Variants in EXPH5 observed in about 807,000 individuals in gnomAD.
EXPH5 encodes the protein exophilin 5, also known as exophilin-5.
A neutral mutation model predicts 41.1 loss-of-function variants in EXPH5; 42 were observed. The observed-to-expected ratio is 1.02, with a 90% CI of 0.80 to 1.32. The LOEUF (loss-of-function observed/expected upper bound fraction) is 1.32, where lower values mean the gene tolerates loss of function less well. Among genes scored for constraint, EXPH5 ranks in the 40% most tolerant of loss-of-function variants. EXPH5 has a pLI of 0.00. For synonymous variants in EXPH5, 798 were observed against 833.5 expected (o/e 0.96, Z 0.73); for missense variants, 2,298 against 2,314.5 (o/e 0.99, Z 0.15).
At chr11:108,571,451 C>T (rs1296383632) in intron 1 of EXPH5, among the ~76,000 whole-genome samples, 1 of 152,172 alleles carries the variant, frequency 6.6e-6, no homozygotes, top group Admixed American at 6.5e-5. Context: ...TTGATGCACT[C>T]CCCATGGAGA....
chr11:108,542,484 T>C (rs1440519667), intron 1 of EXPH5, among the ~76,000 whole-genome samples: 2 of 152,184 alleles, frequency 1.3e-5, no homozygotes, highest in Non-Finnish European at 2.9e-5. Flanking sequence ...AAATGATAGA[T>C]GTTCTAATGA....
rs777355388 is a variant in EXPH5 at position 108,509,869 on chromosome 11, T to C, written c.5638A>G (p.Ile1880Val). ...TKTGPRSAIS[I>V]YRPIDYGIFG... The stretch of plus-strand genomic sequence containing the variant: ...ATCCCATAGTCGATAGGTCTGTATA[T>C]AGATATTGCAGACCTGGGACCTGTT... Residue 1880 changes from isoleucine to valine, a missense_variant, in exon 6 of 6, where the codon ATA (isoleucine) becomes GTA (valine). Ile to Val is a conservative substitution (Grantham distance 29). Transcript: ENST00000265843. The C allele has an allele frequency of 1.2e-6, 2 of 1,610,786 alleles. No homozygotes were observed. The highest frequency in any genetic ancestry group is 1.3e-5 in the African/African-American group (1 of 74,766).
chr11:108,511,577 T>G lies in EXPH5; in HGVS notation c.3930A>C (p.Ser1310=). 6.2e-7 allele frequency: 1 copy of G among 1,613,520 alleles called. No homozygotes were observed. Among genetic ancestry groups the G allele is most frequent in the Non-Finnish European group, 8.5e-7 (1 of 1,179,858 alleles). ...YSTREQSGTP[S]CENLKMSVNS... Reference sequence around the variant, plus strand: ...TGACGGACATCTTTAGATTTTCACATGAAGGTGTTCCTGACTGCTCTCGTG... The same window carrying G: ...TGACGGACATCTTTAGATTTTCACAGGAAGGTGTTCCTGACTGCTCTCGTG... Residue 1310 remains serine (S), a synonymous_variant, in exon 6 of 6, where the codon TCA becomes TCC. Transcript: ENST00000265843.
rs1323242253 is a variant in EXPH5 at position 108,541,640 on chromosome 11, TC to T, written c.280+11del. ...AAAGAAATCAACTTTAAATCTAAAA[TC>T]TTTTTCTTACCATTTTTTGCCATCT... On this transcript the variant is annotated intron_variant, in intron 2 of 5. Coordinates refer to ENST00000265843, the MANE Select transcript of EXPH5 (RefSeq NM_015065.3). 1.9e-6 allele frequency: 3 copies of T among 1,579,812 alleles called. No individual in the cohort carries two copies. In the African/African-American group the frequency reaches 4.1e-5, roughly 21 times the overall value.
chr11:108,525,006 G>A (rs141223554), intron 4 of EXPH5, among the ~76,000 whole-genome samples: 49 of 152,214 alleles, frequency 3.2e-4, no homozygotes, highest in African/African-American at 1.1e-3. Context: ...TCACGGGGGC[G>A]GTTTCCCCCA....
At chr11:108,572,582 G>A (rs1290682237) in intron 1 of EXPH5, among the ~76,000 whole-genome samples, 1 of 152,226 alleles carries the variant, frequency 6.6e-6, no homozygotes, top group Non-Finnish European at 1.5e-5. Flanking sequence ...TTTTGAGACA[G>A]AGTTTTCCTC....
At chr11:108,550,992 C>T (rs945165940) in intron 1 of EXPH5, among the ~76,000 whole-genome samples, 1 of 152,042 alleles carries the variant, frequency 6.6e-6, no homozygotes, top group African/African-American at 2.4e-5. Flanking sequence ...TATAATCTGG[C>T]CAAACACCCT....
Position 108,512,486 on chromosome 11 carries a change from T to C in EXPH5, c.3021A>G (p.Gln1007=), listed in dbSNP as rs1309229024. The change falls in exon 6 of 6, where the codon CAA becomes CAG. Residue 1007 remains glutamine, a synonymous_variant. Transcript: ENST00000265843. Reference sequence around the variant, plus strand: ...CAAGTTCAGAAACTTTGGAATTGCTTTGATTTGCTTCAATGAGGCTCCTGT... The same window carrying C: ...CAAGTTCAGAAACTTTGGAATTGCTCTGATTTGCTTCAATGAGGCTCCTGT... ...SDHRSLIEAN[Q]SNSKVSELDT... 6 of 1,613,904 alleles carry C rather than the reference T, an allele frequency of 3.7e-6. No homozygotes were observed. The Admixed American group carries it at 1.0e-4, about 27-fold the overall frequency.
chr11:108,517,048 A>G (rs1296789178), intron 5 of EXPH5, among the ~76,000 whole-genome samples: 3 of 152,212 alleles, frequency 2.0e-5, no homozygotes, highest in Non-Finnish European at 2.9e-5. Context: ...AGCAGAATGT[A>G]TTTAGAACAG....
chr11:108,562,903 A>G lies in EXPH5; in HGVS notation c.120-21091T>C, dbSNP rs983504204. 3.9e-5 allele frequency among the ~76,000 whole-genome samples: 6 copies of G among 152,366 alleles called. No homozygotes were observed. The East Asian group carries it at 1.2e-3, about 29-fold the overall frequency. ...GTACATATGTTCATTCATGTGTTTT[A>G]AAGCAGTAGTCACAGGACTAGGACT... On this transcript the variant is annotated intron_variant, in intron 1 of 5. Coordinates refer to ENST00000265843, the MANE Select transcript of EXPH5 (RefSeq NM_015065.3).
intron 4 of EXPH5, among the ~76,000 whole-genome samples, chr11:108,523,111 A>T (rs747479313): frequency 3.3e-5 from 5 of 150,368 alleles, no homozygotes; most frequent in Non-Finnish European, 5.9e-5. Context: ...CCTGGGTGCA[A>T]GCAACCCTTT....
At position 108,528,119 on chromosome 11, in the gene EXPH5, G is replaced by T. The variant is rs374115574; in HGVS notation, c.492+17C>A. ...TCTGAATTTCTTAGAGTAACCTGTA[G>T]TTATCTGGTTACTTACCACAGCAGC... On this transcript the variant is annotated intron_variant, in intron 4 of 5. Coordinates refer to ENST00000265843, the MANE Select transcript of EXPH5 (RefSeq NM_015065.3). 1 of 1,563,212 alleles carries T rather than the reference G, an allele frequency of 6.4e-7. No homozygotes were observed. Among genetic ancestry groups the T allele is most frequent in the Non-Finnish European group, 8.8e-7 (1 of 1,134,146 alleles).
intron 4 of EXPH5, among the ~76,000 whole-genome samples, chr11:108,519,012 C>G (rs996878543): frequency 2.0e-5 from 3 of 152,162 alleles, no homozygotes; most frequent in Non-Finnish European, 4.4e-5. Context: ...ATAATACCAT[C>G]AAAAAATAAT....
At chr11:108,532,496 T>C (rs1290592819) in intron 3 of EXPH5, among the ~76,000 whole-genome samples, 1 of 146,522 alleles carries the variant, frequency 6.8e-6, no homozygotes, top group Non-Finnish European at 1.5e-5. Flanking sequence ...ATTACAGGCG[T>C]GAGCCATCAT....
At chr11:108,574,553 G>A (rs1245587973) in intron 1 of EXPH5, among the ~76,000 whole-genome samples, 1 of 152,122 alleles carries the variant, frequency 6.6e-6, no homozygotes, top group African/African-American at 2.4e-5. Flanking sequence ...ACCACACCAA[G>A]CCATATTAAA....
intron 1 of EXPH5, among the ~76,000 whole-genome samples, chr11:108,573,182 AAG>A (rs1479123678): frequency 3.5e-5 from 5 of 141,596 alleles, no homozygotes; most frequent in East Asian, 2.0e-4. Context: ...GAAAGAAAGA[AAG>A]AAAGAAAGAA....
At chr11:108,603,076 A>T in the EXPH5 span, among the ~76,000 whole-genome samples, 1 of 152,180 alleles carries the variant, frequency 6.6e-6, no homozygotes, top group Non-Finnish European at 1.5e-5. Flanking sequence ...TCCTGCCACC[A>T]TGTGAAAAAG....
upstream of EXPH5, among the ~76,000 whole-genome samples, chr11:108,597,972 C>T (rs1020609030): frequency 1.3e-4 from 20 of 152,210 alleles, no homozygotes; most frequent in Middle Eastern, 3.4e-3. Context: ...GATGTTCCTG[C>T]GCTCAAAACG....
In EXPH5 at chr11:108,591,221, C is replaced by T. The variant is rs79553506; in HGVS notation, c.119+2197G>A. Among the ~76,000 whole-genome samples, 641 of 152,280 alleles carry T rather than the reference C, an allele frequency of 4.2e-3. 3 individuals carry two copies. The highest frequency in any genetic ancestry group is 0.015 in the African/African-American group (625 of 41,550). ...AGCCAGAACAGAATGAAATTATACTCTTGAGTTATAAGTCATGTGTCCTGA... is the reference window on the plus strand; with the variant it reads ...AGCCAGAACAGAATGAAATTATACTTTTGAGTTATAAGTCATGTGTCCTGA... On this transcript the variant is annotated intron_variant, in intron 1 of 5. Coordinates refer to ENST00000265843, the MANE Select transcript of EXPH5 (RefSeq NM_015065.3).
Sources: allele counts gnomAD v4.1 joint callset (sites outside exome capture counted in the v4.1 genomes callset), GRCh38; gene constraint gnomAD v4.1.1; transcripts MANE v1.5; gene names NCBI Gene and HGNC (gene_info 2026-07-23, HGNC 2026-07-21).